ADGRG7: variants seen among roughly 807,000 people sequenced by gnomAD.
ADGRG7 encodes the protein G-protein coupled receptor 128.
In ADGRG7, 82 loss-of-function variants were observed where a neutral mutation model predicts 88.6. The ratio of observed to expected loss-of-function variants is 0.93; its 90% confidence interval spans 0.77 to 1.11. The LOEUF (loss-of-function observed/expected upper bound fraction) is 1.11. ADGRG7 is among the 50% of genes most tolerant of loss of function. The probability of loss-of-function intolerance (pLI) is 0.00; values close to 1 mark genes in which losing one functional copy is unlikely to be tolerated. For synonymous variants in ADGRG7, 381 were observed against 345.2 expected, an observed-to-expected ratio of 1.10 and a Z score of -1.15; for missense variants, 945 against 953.4, an observed-to-expected ratio of 0.99 and a Z score of 0.12.
At chr3:100,686,769 A>C (rs967710731) in intron 15 of ADGRG7, among the ~76,000 whole-genome samples, 3 of 152,012 alleles carry the variant, frequency 2.0e-5, no homozygotes, top group Non-Finnish European at 4.4e-5. Flanking sequence ...TGCTGTTTTG[A>C]TTACTGTAGC....
chr3:100,658,258 TCTC>T (rs2094940260), intron 13 of ADGRG7, among the ~76,000 whole-genome samples: 1 of 152,190 alleles, frequency 6.6e-6, no homozygotes, highest in African/African-American at 2.4e-5. Flanking sequence ...TTTCTTAACA[TCTC>T]CTCTCCTGGT....
At chr3:100,646,867 A>C (rs749583585) in intron 10 of ADGRG7, 143 bp downstream of exon 10, 1 of 809,498 alleles carries the variant, frequency 1.2e-6, no homozygotes, top group Non-Finnish European at 1.9e-6. Flanking sequence ...AAATAAAATA[A>C]TGGGACTTAA....
intron 15 of ADGRG7, among the ~76,000 whole-genome samples, chr3:100,670,665 A>G (rs1219912364): frequency 6.6e-6 from 1 of 152,018 alleles, no homozygotes; most frequent in Non-Finnish European, 1.5e-5. Flanking sequence ...GCACCCATGA[A>G]CCCATCATCT....
At chr3:100,626,771 C>CA (rs1200705250) in intron 1 of ADGRG7, among the ~76,000 whole-genome samples, 1 of 151,986 alleles carries the variant, frequency 6.6e-6, no homozygotes, top group Non-Finnish European at 1.5e-5. Context: ...GGCAACAGAG[C>CA]AAGACTCCGT....
chr3:100,643,374 G>A lies in ADGRG7; in HGVS notation c.807G>A (p.Gly269=), dbSNP rs750066112. 1 of 1,614,020 alleles carries A rather than the reference G, an allele frequency of 6.2e-7. No homozygotes were observed. The highest frequency in any genetic ancestry group is 1.3e-5 in the African/African-American group (1 of 75,030). ...ATTTCTCTTCAGAAAATGCGGTGGG[G>A]CCTTCAAATGTTCGCTTCTCTGTGC... ...SANFSSENAV[G]PSNVRFSVQK... is the part of the protein sequence containing the mutation. The change falls in exon 7 of 16, where the codon GGG becomes GGA. Residue 269 remains glycine (G), a synonymous_variant. Transcript: ENST00000273352.
intron 14 of ADGRG7, among the ~76,000 whole-genome samples, chr3:100,663,699 G>C (rs1165535): frequency 0.83 from 125,850 of 151,956 alleles, 56,034 homozygotes; most frequent in Non-Finnish European, 0.99. Context: ...TTTAAATTTT[G>C]CTAGTTTTGA....
chr3:100,659,447 A>G (rs1225505547), intron 13 of ADGRG7, among the ~76,000 whole-genome samples: 19 of 88,652 alleles, frequency 2.1e-4, no homozygotes, highest in African/African-American at 5.3e-4. Flanking sequence ...CTCAAAAAAA[A>G]AAAAAAAAAA....
intron 15 of ADGRG7, among the ~76,000 whole-genome samples, chr3:100,688,391 A>G (rs1410647214): frequency 6.6e-6 from 1 of 151,780 alleles, no homozygotes; most frequent in African/African-American, 2.4e-5. Context: ...TTCTGCTCTG[A>G]TCTTAGTTAT....
intron 3 of ADGRG7, among the ~76,000 whole-genome samples, 175 bp from the exon 4 acceptor site, chr3:100,633,090 G>A (rs1259458895): frequency 6.6e-6 from 1 of 151,998 alleles, no homozygotes; most frequent in Non-Finnish European, 1.5e-5. Flanking sequence ...TAGTCAACTG[G>A]TCTTTTGAAG....
At chr3:100,690,589 C>T (rs550686727) in intron 15 of ADGRG7, among the ~76,000 whole-genome samples, 38 of 152,292 alleles carry the variant, frequency 2.5e-4, no homozygotes, top group Non-Finnish European at 4.9e-4. Context: ...TTCTAACAGT[C>T]AGGACCCTCA....
intron 15 of ADGRG7, among the ~76,000 whole-genome samples, chr3:100,676,524 G>T (rs537988757): frequency 6.6e-6 from 1 of 152,056 alleles, no homozygotes; most frequent in East Asian, 1.9e-4. Flanking sequence ...TTAACATATG[G>T]TCTATATTTG....
intron 1 of ADGRG7, among the ~76,000 whole-genome samples, chr3:100,612,769 T>G (rs1707171766): frequency 6.6e-6 from 1 of 152,230 alleles, no homozygotes. Flanking sequence ...CTCCAGATAT[T>G]CTAACCTTCA....
At chr3:100,613,756 C>T (rs913325725) in intron 1 of ADGRG7, among the ~76,000 whole-genome samples, 4 of 152,004 alleles carry the variant, frequency 2.6e-5, no homozygotes, top group Non-Finnish European at 5.9e-5. Context: ...TATTTTTACT[C>T]GAAATTCTGG....
In ADGRG7 at chr3:100,627,072, G is replaced by A. The variant is rs538836234; in HGVS notation, c.116-2526G>A. Among the ~76,000 whole-genome samples, 4 of 152,022 alleles carry A rather than the reference G, an allele frequency of 2.6e-5. No individual in the cohort carries two copies. In the South Asian group the frequency reaches 6.2e-4, roughly 24 times the overall value. ...TTTTACACTTTTGTTTCTTTTTCCT[G>A]CGTATTGCACTGCTAGCATCTTCAG... On this transcript the variant is annotated intron_variant, in intron 1 of 15. Transcript: ENST00000273352.
At chr3:100,688,444 C>G (rs961857672) in intron 15 of ADGRG7, among the ~76,000 whole-genome samples, 1 of 152,076 alleles carries the variant, frequency 6.6e-6, no homozygotes, top group African/African-American at 2.4e-5. Flanking sequence ...GCTCTTGCTT[C>G]TCTAGTTCTT....
At chr3:100,693,882 G>A (rs765519702) in intron 15 of ADGRG7, among the ~76,000 whole-genome samples, 10 of 152,114 alleles carry the variant, frequency 6.6e-5, no homozygotes, top group Admixed American at 1.3e-4. Flanking sequence ...ATTAACAGCA[G>A]CATCTTAAAA....
chr3:100,665,712 C>A (rs1457768135), intron 14 of ADGRG7, among the ~76,000 whole-genome samples: 2 of 152,144 alleles, frequency 1.3e-5, no homozygotes, highest in Non-Finnish European at 2.9e-5. Flanking sequence ...AATAGCAATG[C>A]AGAAAAACCT....
chr3:100,633,428 G>T (rs764908628), intron 4 of ADGRG7, 51 bp downstream of exon 4: 3 of 1,034,270 alleles, frequency 2.9e-6, no homozygotes, highest in South Asian at 1.7e-5. Context: ...CTGATTCCGT[G>T]CAGTTTCTGT....
chr3:100,643,845 C>A (rs1431620039), intron 8 of ADGRG7, among the ~76,000 whole-genome samples: 1 of 152,034 alleles, frequency 6.6e-6, no homozygotes, highest in Non-Finnish European at 1.5e-5. Flanking sequence ...TTTTCAAAAG[C>A]CTTTTGGAAG....
Sources: gnomAD v4.1 joint callset for allele counts (sites outside exome capture counted in the v4.1 genomes callset) on GRCh38, gnomAD v4.1.1 for gene constraint, MANE v1.5 for transcripts, NCBI Gene and HGNC (gene_info 2026-07-23, HGNC 2026-07-21) for gene names.